The following FRMD3 variants were observed in gnomAD, a reference collection of about 807,000 sequenced individuals.
The protein encoded by FRMD3 is FERM domain containing 3.
In FRMD3, 33 loss-of-function variants were observed where a neutral mutation model predicts 70.2. The ratio of observed to expected loss-of-function variants is 0.47; its 90% CI spans 0.36 to 0.63. The LOEUF (loss-of-function observed/expected upper bound fraction) is 0.63, where lower values mean the gene tolerates loss of function less well. Among genes scored for constraint, FRMD3 ranks in the 20% least tolerant of loss-of-function variants. FRMD3 has a pLI of 0.00. For missense variants in FRMD3, 632 were observed against 711.4 expected, an observed-to-expected ratio of 0.89 and a Z score of 1.27; for synonymous variants, 279 against 255.9, an observed-to-expected ratio of 1.09 and a Z score of -0.86.
At chr9:83,385,979 A>C (rs1825500468) in intron 2 of FRMD3, among the ~76,000 whole-genome samples, 1 of 152,150 alleles carries the variant, frequency 6.6e-6, no homozygotes, top group African/African-American at 2.4e-5. Flanking sequence ...TAGCCAATGC[A>C]TAATAATTGT....
intron 1 of FRMD3, among the ~76,000 whole-genome samples, chr9:83,436,374 C>T (rs1248687380): frequency 6.6e-6 from 1 of 151,764 alleles, no homozygotes; most frequent in Non-Finnish European, 1.5e-5. Context: ...AAGGGCTTTG[C>T]TATTTTTAGC....
chr9:83,525,303 G>C (rs1243536351), intron 1 of FRMD3, among the ~76,000 whole-genome samples: 1 of 152,132 alleles, frequency 6.6e-6, no homozygotes, highest in African/African-American at 2.4e-5. Context: ...ATAAAACATA[G>C]ATATATTCAG....
intron 13 of FRMD3, among the ~76,000 whole-genome samples, chr9:83,264,092 C>A (rs1833117270): frequency 6.6e-6 from 1 of 152,090 alleles, no homozygotes; most frequent in African/African-American, 2.4e-5. Flanking sequence ...TCAAAAACTT[C>A]TGGAAAATAA....
intron 1 of FRMD3, among the ~76,000 whole-genome samples, chr9:83,460,101 G>C (rs1457395198): frequency 6.6e-6 from 1 of 152,114 alleles, no homozygotes; most frequent in African/African-American, 2.4e-5. Context: ...CAGTTTGCTG[G>C]GGACACAAAC....
chr9:83,429,552 C>A (rs1826909892), intron 1 of FRMD3, among the ~76,000 whole-genome samples: 1 of 152,132 alleles, frequency 6.6e-6, no homozygotes, highest in African/African-American at 2.4e-5. Context: ...GTAGAAGGAG[C>A]CCAGCCTGTC....
chr9:83,520,056 T>C (rs1401952831), intron 1 of FRMD3, among the ~76,000 whole-genome samples: 5 of 152,124 alleles, frequency 3.3e-5, no homozygotes, highest in South Asian at 4.1e-4. Context: ...GACGAGTTGA[T>C]GGGTGCAGCA....
intron 13 of FRMD3, among the ~76,000 whole-genome samples, chr9:83,289,941 T>C (rs989191490): frequency 2.6e-5 from 4 of 152,222 alleles, no homozygotes; most frequent in South Asian, 2.1e-4. Context: ...ACACATATTA[T>C]TATTATCTTT....
chr9:83,370,079 A>G (rs970790193), intron 3 of FRMD3, among the ~76,000 whole-genome samples: 2 of 152,194 alleles, frequency 1.3e-5, no homozygotes, highest in Non-Finnish European at 2.9e-5. Context: ...AGAGAGAAGA[A>G]CCTGAAGGCC....
intron 2 of FRMD3, among the ~76,000 whole-genome samples, chr9:83,382,259 T>C (rs1825380337): frequency 6.6e-6 from 1 of 152,176 alleles, no homozygotes; most frequent in Non-Finnish European, 1.5e-5. Flanking sequence ...TCTAGATTCA[T>C]GGGCCTTTTT....
At position 83,365,137 on chromosome 9, in the gene FRMD3, G is replaced by A. The variant is rs541090005; in HGVS notation, c.295+7776C>T. On this transcript the variant is annotated intron_variant, in intron 3 of 13. Coordinates refer to ENST00000304195, the MANE Select transcript of FRMD3 (RefSeq NM_174938.6). ...TTTTATATATTTACTGGATAGCATC[G>A]AGCATGTTTCTTTTGCAAATGAGTC... Among the ~76,000 whole-genome samples the A allele has an allele frequency of 1.4e-3, 218 of 152,218 alleles. 2 individuals carry two copies. Among genetic ancestry groups the A allele is most frequent in the African/African-American group, 4.9e-3 (204 of 41,522 alleles).
chr9:83,245,279 T>C lies in FRMD3; in HGVS notation c.*2639A>G. 1.0e-6 allele frequency: 1 copy of C among 985,402 alleles called. No individual in the cohort carries two copies. The highest frequency in any genetic ancestry group is 1.2e-6 in the Non-Finnish European group (1 of 829,904). 61.0% of individuals were successfully genotyped at this position (985,402 alleles called of 1,614,324 possible). Reference sequence around the variant, plus strand: ...TTAAACTCTATATCTCACTCTATAATATACTGTCCATCTCTGGAAGCAGGC... The same window carrying C: ...TTAAACTCTATATCTCACTCTATAACATACTGTCCATCTCTGGAAGCAGGC... On this transcript the variant is annotated 3_prime_UTR_variant, in exon 14 of 14. Coordinates refer to ENST00000304195, the MANE Select transcript of FRMD3 (RefSeq NM_174938.6).
chr9:83,313,786 A>G (rs776251529), intron 6 of FRMD3, 39 bp from the exon 7 acceptor site: 1 of 1,454,840 alleles, frequency 6.9e-7, no homozygotes, highest in South Asian at 1.1e-5. Flanking sequence ...GTTAAAATGG[A>G]AAAGAATAGA....
At chr9:83,443,672 G>A (rs774671392) in intron 1 of FRMD3, among the ~76,000 whole-genome samples, 4 of 152,130 alleles carry the variant, frequency 2.6e-5, no homozygotes, top group African/African-American at 4.8e-5. Flanking sequence ...GGGATCGCTG[G>A]GTCAGATGGT....
intron 1 of FRMD3, among the ~76,000 whole-genome samples, chr9:83,436,458 ATGTG>A (rs148417744): frequency 0.014 from 2,010 of 144,618 alleles, 15 homozygotes; most frequent in African/African-American, 0.02. Context: ...AATTAATAAG[ATGTG>A]TGTGTGTGTG....
At chr9:83,486,091 A>G (rs1179832355) in intron 1 of FRMD3, among the ~76,000 whole-genome samples, 2 of 152,142 alleles carry the variant, frequency 1.3e-5, no homozygotes, top group African/African-American at 2.4e-5. Context: ...TGCAGCAGAG[A>G]ATTAATACCT....
chr9:83,522,758 T>C lies in FRMD3; in HGVS notation c.147+15327A>G, dbSNP rs180733068. ...TTTTGTATTTTTAGTAGAGACGGGG[T>C]TTCACGGTGCTAGCCAGGATGATCT... On this transcript the variant is annotated intron_variant, in intron 1 of 13. Coordinates refer to ENST00000304195, the MANE Select transcript of FRMD3 (RefSeq NM_174938.6). Among the ~76,000 whole-genome samples the C allele has an allele frequency of 4.1e-3, 619 of 151,840 alleles. 5 individuals are homozygous for C. Among genetic ancestry groups the C allele is most frequent in the African/African-American group, 0.014 (596 of 41,402 alleles).
At chr9:83,546,866 T>C in the FRMD3 span, among the ~76,000 whole-genome samples, 1 of 121,118 alleles carries the variant, frequency 8.3e-6, no homozygotes, top group Admixed American at 1.2e-4. Flanking sequence ...CACTCCAGCC[T>C]AGCGACAGAG....
chr9:83,493,112 G>T (rs3860938), intron 1 of FRMD3, among the ~76,000 whole-genome samples: 23,472 of 151,966 alleles, frequency 0.15, 2,101 homozygotes, highest in East Asian at 0.33. Flanking sequence ...CCAAAAAGCC[G>T]CTGACCTCAC....
chr9:83,381,400 C>T (rs1191313452), intron 2 of FRMD3, among the ~76,000 whole-genome samples: 3 of 151,938 alleles, frequency 2.0e-5, no homozygotes, highest in African/African-American at 7.2e-5. Context: ...ACTAAAGATA[C>T]AAAAAATTAG....
Sources: gnomAD v4.1 joint callset for allele counts (sites outside exome capture counted in the v4.1 genomes callset) on GRCh38, gnomAD v4.1.1 for gene constraint, MANE v1.5 for transcripts, NCBI Gene and HGNC (gene_info 2026-07-23, HGNC 2026-07-21) for gene names.